The following MCTP1 variants were observed in gnomAD, a reference collection of about 807,000 sequenced individuals.
MCTP1 encodes the protein multiple C2 and transmembrane domain-containing protein 1.
Under a neutral mutation model 120.6 loss-of-function variants are expected in MCTP1, and 69 were observed. That is an observed-to-expected ratio of 0.57 (90% CI 0.47 to 0.70). The LOEUF (loss-of-function observed/expected upper bound fraction) is 0.70. Ranked by LOEUF, MCTP1 falls within the 30% of genes least tolerant of loss-of-function variation. The pLI is 0.00. For synonymous variants in MCTP1, 529 were observed against 493.1 expected, an observed-to-expected ratio of 1.07 and a Z score of -0.96; for missense variants, 1,203 against 1,248.8, an observed-to-expected ratio of 0.96 and a Z score of 0.55.
intron 3 of MCTP1, among the ~76,000 whole-genome samples, chr5:94,947,585 G>A (rs1599806): frequency 9.1e-5 from 4 of 43,950 alleles, no homozygotes; most frequent in South Asian, 8.0e-4. Flanking sequence ...TATAGAGAGA[G>A]AGAGAGAGAG....
chr5:94,846,739 T>C (rs1053188029), intron 17 of MCTP1, among the ~76,000 whole-genome samples: 1 of 151,958 alleles, frequency 6.6e-6, no homozygotes, highest in African/African-American at 2.4e-5. Flanking sequence ...ACCGGAATCA[T>C]TGAGGGGCAG....
chr5:94,807,460 G>A (rs181275753), intron 17 of MCTP1, among the ~76,000 whole-genome samples: 2 of 152,232 alleles, frequency 1.3e-5, no homozygotes, highest in East Asian at 3.9e-4. Flanking sequence ...CATCAGAGTT[G>A]GCAAAGAGGT....
At chr5:94,719,904 C>T (rs1216186620) in intron 19 of MCTP1, among the ~76,000 whole-genome samples, 1 of 152,116 alleles carries the variant, frequency 6.6e-6, no homozygotes, top group Non-Finnish European at 1.5e-5. Flanking sequence ...CCGAGACAGG[C>T]AGATCACCTG....
At chr5:95,024,961 G>A (rs1383638113) in intron 1 of MCTP1, among the ~76,000 whole-genome samples, 1 of 152,110 alleles carries the variant, frequency 6.6e-6, no homozygotes, top group Admixed American at 6.6e-5. Flanking sequence ...CATGGATTAG[G>A]AGAATTAGTA....
chr5:94,999,651 T>A (rs1833286758), intron 2 of MCTP1, among the ~76,000 whole-genome samples: 1 of 152,168 alleles, frequency 6.6e-6, no homozygotes, highest in Non-Finnish European at 1.5e-5. Flanking sequence ...CAAAGAAAAT[T>A]TGTCATCATA....
At chr5:94,847,682 G>GTGTGTGTATATA (rs1169588105) in intron 17 of MCTP1, among the ~76,000 whole-genome samples, 2 of 102,378 alleles carry the variant, frequency 2.0e-5, no homozygotes, top group African/African-American at 7.7e-5. Flanking sequence ...GTGTGTGTGT[G>GTGTGTGTATATA]TATATATATA....
At chr5:94,724,646 C>T (rs146858819) in intron 19 of MCTP1, among the ~76,000 whole-genome samples, 2 of 152,246 alleles carry the variant, frequency 1.3e-5, no homozygotes, top group Admixed American at 6.5e-5. Flanking sequence ...GAGACTTGAG[C>T]ATTCACAGAT....
chr5:94,826,612 C>T, intron 17 of MCTP1: 1 of 782,846 alleles, frequency 1.3e-6, no homozygotes, highest in Non-Finnish European at 2.2e-6. Flanking sequence ...TCTTGATCTT[C>T]AGCTCTGCAA....
intron 1 of MCTP1, among the ~76,000 whole-genome samples, chr5:95,232,905 A>G (rs963561942): frequency 6.6e-6 from 1 of 152,218 alleles, no homozygotes; most frequent in Non-Finnish European, 1.5e-5. Context: ...CAGTGTACCT[A>G]AAGGACATTA....
intron 17 of MCTP1, among the ~76,000 whole-genome samples, chr5:94,859,872 C>A (rs1795425171): frequency 6.6e-6 from 1 of 151,582 alleles, no homozygotes; most frequent in Non-Finnish European, 1.5e-5. Context: ...GATTAATTGA[C>A]TAAGGGGAGT....
Position 95,284,085 on chromosome 5 carries a change from G to A in MCTP1, c.491C>T (p.Ser164Phe), listed in dbSNP as rs763776050. The A allele has an allele frequency of 4.1e-5, 63 of 1,550,606 alleles. No individual in the cohort carries two copies. The South Asian group carries it at 5.7e-4, about 14-fold the overall frequency. Residue 164 changes from serine (S) to phenylalanine (F), a missense_variant, in exon 1 of 23, where the codon TCC (serine) becomes TTC (phenylalanine). Ser to Phe is a radical substitution (Grantham distance 155). Transcript: ENST00000515393. The surrounding 1 kb of genome is among the most constrained non-coding windows in gnomAD (Gnocchi z 5.2). Reference protein sequence around the residue: ...DSAPSSSSASSSLSSSPQPPP... With the variant: ...DSAPSSSSASFSLSSSPQPPP... ...AGGCTGGGGCGAGGAGGACAGGGAG[G>A]ATGAGGCGGAGGAAGAGGAAGGAGC... is the stretch of plus-strand genomic sequence containing the variant.
chr5:95,269,195 A>T (rs890908318), intron 1 of MCTP1, among the ~76,000 whole-genome samples: 2 of 152,210 alleles, frequency 1.3e-5, no homozygotes, highest in South Asian at 4.1e-4. Flanking sequence ...TGGTATTATT[A>T]TTATTAAGAA....
At chr5:95,228,234 C>T (rs1381544725) in intron 1 of MCTP1, among the ~76,000 whole-genome samples, 1 of 152,110 alleles carries the variant, frequency 6.6e-6, no homozygotes, top group African/African-American at 2.4e-5. Flanking sequence ...CAACAAAAAA[C>T]AATGAATATT....
chr5:95,048,539 CA>C (rs1466377187), intron 1 of MCTP1, among the ~76,000 whole-genome samples: 1 of 152,130 alleles, frequency 6.6e-6, no homozygotes, highest in Non-Finnish European at 1.5e-5. Flanking sequence ...CAGAAGGTAA[CA>C]GTTCACCCTT....
At chr5:95,153,984 G>A (rs147273686) in intron 1 of MCTP1, among the ~76,000 whole-genome samples, 1 of 152,184 alleles carries the variant, frequency 6.6e-6, no homozygotes, top group African/African-American at 2.4e-5. Flanking sequence ...TTCTCTGAAA[G>A]TCATGCCCGA....
chr5:95,084,584 T>C (rs963847381), intron 1 of MCTP1, among the ~76,000 whole-genome samples: 2 of 151,930 alleles, frequency 1.3e-5, no homozygotes, highest in Non-Finnish European at 2.9e-5. Context: ...TTTATTGGCT[T>C]TATAAAATAC....
rs1406480140 is a variant in MCTP1, at chr5:95,156,360, T to A, written c.720+127496A>T. 2.0e-5 allele frequency among the ~76,000 whole-genome samples: 3 copies of A among 152,210 alleles called. No individual in the cohort carries two copies. In the East Asian group the frequency reaches 5.8e-4, roughly 29 times the overall value. On this transcript the variant is annotated intron_variant, in intron 1 of 22. Transcript: ENST00000515393. ...ACAAACACATCTCTTAGGCACATGA[T>A]CTGAACTGCAAAGTGAATTAAAGAT...
In MCTP1 at chr5:94,975,337, G is replaced by A. The variant is rs965479252; in HGVS notation, c.839-21976C>T. Among the ~76,000 whole-genome samples the A allele has an allele frequency of 3.3e-5, 5 of 152,110 alleles. No individual in the cohort carries two copies. The East Asian group carries it at 7.8e-4, about 24-fold the overall frequency. ...CGATTAGGTTTGGATAAGGTCATGA[G>A]GATGGTGCCCTCCTGATGGGATTAG... is the stretch of plus-strand genomic sequence containing the variant. On this transcript the variant is annotated intron_variant, in intron 2 of 22. Coordinates refer to ENST00000515393, the MANE Select transcript of MCTP1 (RefSeq NM_024717.7).
At chr5:94,826,338 T>A in intron 17 of MCTP1, 1 of 553,176 alleles carries the variant, frequency 1.8e-6, no homozygotes, top group South Asian at 1.8e-5. Context: ...TCACAAAGGT[T>A]CCACTGAGGA....
Sources: allele counts gnomAD v4.1 joint callset (sites outside exome capture counted in the v4.1 genomes callset), GRCh38; gene constraint gnomAD v4.1.1; non-coding constraint Gnocchi (gnomAD v3.1); transcripts MANE v1.5; gene names NCBI Gene and HGNC (gene_info 2026-07-23, HGNC 2026-07-21).